The following CNTNAP4 variants were observed in gnomAD, a reference collection of about 807,000 sequenced individuals.
CNTNAP4 encodes the protein contactin associated protein family member 4.
Under a neutral mutation model 148.4 loss-of-function variants are expected in CNTNAP4, and 98 were observed. The ratio of observed to expected loss-of-function variants is 0.66; its 90% confidence interval spans 0.56 to 0.78. The LOEUF (loss-of-function observed/expected upper bound fraction) is 0.78, where lower values mean the gene tolerates loss of function less well. Ranked by LOEUF, CNTNAP4 falls within the 30% of genes least tolerant of loss-of-function variation. CNTNAP4 has a pLI of 0.00. For synonymous variants in CNTNAP4, 730 were observed against 565.1 expected, an observed-to-expected ratio of 1.29 and a Z score of -4.14; for missense variants, 1,935 against 1,565.6, an observed-to-expected ratio of 1.24 and a Z score of -3.98.
chr16:76,329,492 G>A (rs550946115), intron 2 of CNTNAP4, among the ~76,000 whole-genome samples: 29 of 152,228 alleles, frequency 1.9e-4, no homozygotes, highest in African/African-American at 6.7e-4. Context: ...CCCTTCCAAA[G>A]GCTACTCTAT....
intron 2 of CNTNAP4, among the ~76,000 whole-genome samples, chr16:76,347,217 G>T (rs1286742129): frequency 6.6e-6 from 1 of 151,758 alleles, no homozygotes; most frequent in South Asian, 2.1e-4. Context: ...AAAAAATACC[G>T]TGCATCAAAG....
chr16:76,290,584 G>T (rs78576700), intron 1 of CNTNAP4, among the ~76,000 whole-genome samples: 1 of 152,104 alleles, frequency 6.6e-6, no homozygotes, highest in South Asian at 2.1e-4. Flanking sequence ...TTCCTTCTTT[G>T]AGTCAACAAT....
intron 1 of CNTNAP4, among the ~76,000 whole-genome samples, chr16:76,288,072 C>T (rs969788377): frequency 6.6e-6 from 1 of 152,040 alleles, no homozygotes; most frequent in Admixed American, 6.6e-5. Context: ...GTGTCAAGGA[C>T]AGGACCAGGT....
At chr16:76,416,093 C>G (rs1181308446) in intron 3 of CNTNAP4, among the ~76,000 whole-genome samples, 1 of 151,072 alleles carries the variant, frequency 6.6e-6, no homozygotes, top group Non-Finnish European at 1.5e-5. Context: ...TCCATGGGCT[C>G]AATATTGGTG....
At chr16:76,336,227 A>G (rs183934763) in intron 2 of CNTNAP4, among the ~76,000 whole-genome samples, 4 of 152,306 alleles carry the variant, frequency 2.6e-5, no homozygotes, top group South Asian at 4.1e-4. Flanking sequence ...TTCACACTTG[A>G]GGCTGTAACT....
At chr16:76,290,122 C>T (rs968481290) in intron 1 of CNTNAP4, among the ~76,000 whole-genome samples, 1 of 152,106 alleles carries the variant, frequency 6.6e-6, no homozygotes, top group African/African-American at 2.4e-5. Flanking sequence ...ATTTTATTCT[C>T]ACACAGGCCT....
At chr16:76,456,723 T>G (rs1191747335) in intron 8 of CNTNAP4, among the ~76,000 whole-genome samples, 1 of 152,154 alleles carries the variant, frequency 6.6e-6, no homozygotes, top group African/African-American at 2.4e-5. Context: ...GCGGCCTATT[T>G]TTCTTAGAGT....
At chr16:76,372,954 TATTG>T (rs2015009096) in intron 3 of CNTNAP4, among the ~76,000 whole-genome samples, 1 of 152,224 alleles carries the variant, frequency 6.6e-6, no homozygotes, top group South Asian at 2.1e-4. Flanking sequence ...TTCGAAGAGA[TATTG>T]ATAATATTAT....
intron 8 of CNTNAP4, among the ~76,000 whole-genome samples, chr16:76,460,773 A>AAAAAAAAATATATATAT: frequency 1.7e-5 from 1 of 57,328 alleles, no homozygotes; most frequent in African/African-American, 6.4e-5. Context: ...AAAAAAAAAA[A>AAAAAAAAATATATATAT]ATATATATAT....
intron 5 of CNTNAP4, 90 bp from the exon 6 acceptor site, chr16:76,448,677 T>C: frequency 1.1e-6 from 1 of 929,532 alleles, no homozygotes; most frequent in Non-Finnish European, 1.6e-6. Flanking sequence ...ATTGCAATTA[T>C]TATGAAAGAT....
chr16:76,321,930 A>AG (rs1309368368), intron 2 of CNTNAP4, among the ~76,000 whole-genome samples: 1 of 151,898 alleles, frequency 6.6e-6, no homozygotes, highest in Admixed American at 6.5e-5. Flanking sequence ...GCCTAGAGAA[A>AG]GGGGAACCTG....
At chr16:76,407,531 T>A (rs1401840744) in intron 3 of CNTNAP4, among the ~76,000 whole-genome samples, 5 of 151,916 alleles carry the variant, frequency 3.3e-5, no homozygotes, top group Non-Finnish European at 7.4e-5. Context: ...GGGATGACTT[T>A]GAGGGGTTCA....
intron 1 of CNTNAP4, 163 bp from the exon 2 acceptor site, chr16:76,316,250 C>G: frequency 1.5e-6 from 1 of 673,336 alleles, no homozygotes; most frequent in South Asian, 1.6e-5. Context: ...TCTCATTGAA[C>G]TTACTAGACT....
At chr16:76,352,480 A>C (rs1456743969) in intron 2 of CNTNAP4, among the ~76,000 whole-genome samples, 2 of 152,116 alleles carry the variant, frequency 1.3e-5, no homozygotes, top group Admixed American at 6.6e-5. Context: ...CCACCTTTGC[A>C]TCCTGACCTA....
chr16:76,288,538 C>A (rs116269495), intron 1 of CNTNAP4, among the ~76,000 whole-genome samples: 1 of 152,302 alleles, frequency 6.6e-6, no homozygotes, highest in African/African-American at 2.4e-5. Flanking sequence ...CATGGAGTCT[C>A]ACCACCTCAA....
chr16:76,515,430 A>G (rs547056326), intron 15 of CNTNAP4, among the ~76,000 whole-genome samples: 1 of 152,288 alleles, frequency 6.6e-6, no homozygotes, highest in East Asian at 1.9e-4. Context: ...GAGACACCAG[A>G]GACCCCACTC....
intron 4 of CNTNAP4, chr16:76,432,472 C>T (rs2079645166): frequency 6.6e-6 from 1 of 152,072 alleles, no homozygotes. Flanking sequence ...TTTCCAATAT[C>T]TTGGCCATAG....
chr16:76,531,986 T>G lies in CNTNAP4; in HGVS notation c.2756-3559T>G, dbSNP rs1275968124. Among the ~76,000 whole-genome samples the G allele has an allele frequency of 3.0e-4, 45 of 152,212 alleles. 1 individual carries two copies. Among genetic ancestry groups the G allele is most frequent in the Admixed American group, 2.9e-3 (45 of 15,280 alleles). ...GCATATATTTCACATGTATATACAT[T>G]TATTTTCTTCTGCTACTCACCCCAC... On this transcript the variant is annotated intron_variant, in intron 17 of 23. Transcript: ENST00000611870.
chr16:76,448,121 G>C lies in CNTNAP4; in HGVS notation c.648G>C (p.Gln216His), dbSNP rs1597573843. The change falls in exon 5 of 24, where the codon CAG (glutamine) becomes CAC (histidine). Residue 216 changes from glutamine to histidine, a missense_variant. Transcript: ENST00000611870. ...TTTCTTTGAAATTCAAAACCATGCA[G>C]AGTGATGGGATTCTACTCCACAGGG... ...DIISLKFKTM[Q>H]SDGILLHREG... 1 of 1,613,386 alleles carries C rather than the reference G, an allele frequency of 6.2e-7. No individual in the cohort carries two copies. The highest frequency in any genetic ancestry group is 1.7e-5 in the Admixed American group (1 of 60,012).
Sources: allele counts gnomAD v4.1 joint callset (sites outside exome capture counted in the v4.1 genomes callset), GRCh38; gene constraint gnomAD v4.1.1; transcripts MANE v1.5; gene names NCBI Gene and HGNC (gene_info 2026-07-23, HGNC 2026-07-21).